Variants in EPHB2 observed in about 807,000 individuals in gnomAD.
The protein encoded by EPHB2 is ephrin type-B receptor 2.
A neutral mutation model predicts 96.4 loss-of-function variants in EPHB2; 18 were observed. That is an observed-to-expected ratio of 0.19 (90% CI 0.13 to 0.28). EPHB2 has a LOEUF of 0.28. Among genes scored for constraint, EPHB2 ranks in the 10% least tolerant of loss-of-function variants. The pLI is 1.00. For missense variants in EPHB2, 989 were observed against 1,355.4 expected, an observed-to-expected ratio of 0.73 and a Z score of 4.25; for synonymous variants, 506 against 534.1, an observed-to-expected ratio of 0.95 and a Z score of 0.72.
chr1:22,808,381 A>G (rs918957054), intron 3 of EPHB2, among the ~76,000 whole-genome samples: 4 of 152,206 alleles, frequency 2.6e-5, no homozygotes, highest in Admixed American at 2.6e-4. Flanking sequence ...TCTGCTGAGT[A>G]AATAAAATGT....
chr1:22,849,032 G>A (rs181269600), intron 3 of EPHB2, among the ~76,000 whole-genome samples: 1 of 152,264 alleles, frequency 6.6e-6, no homozygotes, highest in African/African-American at 2.4e-5. Flanking sequence ...AGGTGCCCAA[G>A]CAGGACGTCC....
chr1:22,837,429 T>TG (rs1370160964), intron 3 of EPHB2, among the ~76,000 whole-genome samples: 1 of 151,962 alleles, frequency 6.6e-6, no homozygotes, highest in African/African-American at 2.4e-5. Flanking sequence ...ATGAGAGGGA[T>TG]GGGGGTTCTC....
chr1:22,800,078 C>G (rs1644820636), intron 3 of EPHB2, among the ~76,000 whole-genome samples: 1 of 152,244 alleles, frequency 6.6e-6, no homozygotes, highest in Non-Finnish European at 1.5e-5. Context: ...GCTGCCCTCC[C>G]CCACACCCTG....
At chr1:22,825,306 C>T (rs368825464) in intron 3 of EPHB2, among the ~76,000 whole-genome samples, 5 of 152,298 alleles carry the variant, frequency 3.3e-5, no homozygotes, top group South Asian at 2.1e-4. Context: ...GCTGGCATCC[C>T]GCTTTCACCA....
At position 22,896,437 on chromosome 1, in the gene EPHB2, C is replaced by T. The variant is rs146071874; in HGVS notation, c.1724C>T (p.Ser575Leu). The part of the protein sequence containing the change: ...CNRRGFERAD[S>L]EYTDKLQHYT... ...AGACGGGGGTTTGAGCGTGCTGACT[C>T]GGAGTACACGGACAAGCTGCAACAC... The change falls in exon 9 of 16, where the codon TCG (serine) becomes TTG (leucine). Residue 575 changes from serine (S) to leucine (L), a missense_variant. By Grantham distance (145) the Ser-to-Leu change is moderately radical. Transcript: ENST00000374630. 6.2e-6 allele frequency: 10 copies of T among 1,614,140 alleles called. No individual in the cohort carries two copies. Among genetic ancestry groups the T allele is most frequent in the South Asian group, 2.2e-5 (2 of 91,080 alleles).
chr1:22,715,416 C>A (rs1643268241), intron 1 of EPHB2, among the ~76,000 whole-genome samples: 1 of 152,082 alleles, frequency 6.6e-6, no homozygotes, highest in South Asian at 2.1e-4. Context: ...CCCTCCCTCC[C>A]CCAGCTCAAC....
At chr1:22,853,781 G>C (rs942373312) in intron 3 of EPHB2, among the ~76,000 whole-genome samples, 2 of 152,270 alleles carry the variant, frequency 1.3e-5, no homozygotes, top group Non-Finnish European at 2.9e-5. Flanking sequence ...GTGGACCGTG[G>C]AAGGGGAGGC....
At chr1:22,900,255 C>T (rs1639708189) in intron 9 of EPHB2, among the ~76,000 whole-genome samples, 1 of 152,062 alleles carries the variant, frequency 6.6e-6, no homozygotes, top group African/African-American at 2.4e-5. Context: ...GATCACGTCA[C>T]TGCACTCCAG....
rs368480846 is a variant in EPHB2, at chr1:22,845,873, G to A, written c.812-17164G>A. On this transcript the variant is annotated intron_variant, in intron 3 of 15. Transcript: ENST00000374630. ...TAGGCAATTTGTCATAAAGTCTCCC[G>A]GCTGTTGGCCAGAGATCACTTTTGC... Among the ~76,000 whole-genome samples the A allele has an allele frequency of 1.2e-4, 18 of 152,228 alleles. No homozygotes were observed. In the East Asian group the frequency reaches 1.7e-3, roughly 15 times the overall value.
At chr1:22,815,645 G>A (rs2148467204) in intron 3 of EPHB2, among the ~76,000 whole-genome samples, 1 of 152,408 alleles carries the variant, frequency 6.6e-6, no homozygotes, top group Admixed American at 6.5e-5. Context: ...CCGAAGGCAT[G>A]TGAACATTTT....
intron 3 of EPHB2, among the ~76,000 whole-genome samples, chr1:22,801,533 G>A (rs184127588): frequency 2.6e-5 from 4 of 151,896 alleles, no homozygotes; most frequent in Admixed American, 2.6e-4. Context: ...GTGGACTCCG[G>A]AACCTTCCCA....
intron 3 of EPHB2, among the ~76,000 whole-genome samples, chr1:22,811,508 T>C (rs1645001644): frequency 6.6e-6 from 1 of 152,162 alleles, no homozygotes. Context: ...GATAAGGGGC[T>C]AAAGATAATT....
intron 3 of EPHB2, among the ~76,000 whole-genome samples, chr1:22,828,424 G>C (rs1557699101): frequency 6.6e-6 from 1 of 152,208 alleles, no homozygotes; most frequent in Non-Finnish European, 1.5e-5. Flanking sequence ...AGCTCCTGGA[G>C]CCTCTTCTAC....
At chr1:22,910,125 A>C (rs941866212) in intron 13 of EPHB2, among the ~76,000 whole-genome samples, 1 of 151,946 alleles carries the variant, frequency 6.6e-6, no homozygotes, top group Non-Finnish European at 1.5e-5. Context: ...CCCTGGGGAG[A>C]AGCTATCTCA....
intron 5 of EPHB2, among the ~76,000 whole-genome samples, chr1:22,872,779 C>T (rs1428347891): frequency 6.6e-6 from 1 of 152,166 alleles, no homozygotes; most frequent in South Asian, 2.1e-4. Context: ...TGCTGTGGGG[C>T]GGGCACACAA....
At chr1:22,751,855 G>T (rs1394151157) in intron 1 of EPHB2, among the ~76,000 whole-genome samples, 1 of 152,214 alleles carries the variant, frequency 6.6e-6, no homozygotes, top group African/African-American at 2.4e-5. Flanking sequence ...CTTTCTCCAT[G>T]AGGGTCCTGG....
intron 1 of EPHB2, among the ~76,000 whole-genome samples, chr1:22,756,148 G>A (rs1253181635): frequency 6.6e-6 from 1 of 152,140 alleles, no homozygotes; most frequent in Non-Finnish European, 1.5e-5. Context: ...GCTGGAAGGG[G>A]CGGCTGGGGC....
chr1:22,772,235 G>A (rs953934689), intron 1 of EPHB2, among the ~76,000 whole-genome samples: 2 of 152,160 alleles, frequency 1.3e-5, no homozygotes, highest in African/African-American at 4.8e-5. Flanking sequence ...TTTCAGCCGG[G>A]GCGGCCAGTG....
intron 1 of EPHB2, among the ~76,000 whole-genome samples, chr1:22,760,266 G>A (rs1644216580): frequency 6.6e-6 from 1 of 152,196 alleles, no homozygotes; most frequent in Non-Finnish European, 1.5e-5. Context: ...ATGGGGCTGA[G>A]GGAACCCCAA....
Sources: gnomAD v4.1 joint callset for allele counts (sites outside exome capture counted in the v4.1 genomes callset) on GRCh38, gnomAD v4.1.1 for gene constraint, MANE v1.5 for transcripts, NCBI Gene and HGNC (gene_info 2026-07-23, HGNC 2026-07-21) for gene names.